The following RUBCNL variants were observed in gnomAD, a reference collection of about 807,000 sequenced individuals.
RUBCNL encodes the protein protein associated with UVRAG as autophagy enhancer.
A neutral mutation model predicts 69.5 loss-of-function variants in RUBCNL; 62 were observed. The ratio of observed to expected loss-of-function variants is 0.89; its 90% CI spans 0.73 to 1.10. The LOEUF (loss-of-function observed/expected upper bound fraction) is 1.10. Ranked by LOEUF, RUBCNL falls within the 50% of genes least tolerant of loss-of-function variation. RUBCNL has a pLI of 0.00. For synonymous variants in RUBCNL, 291 were observed against 303.6 expected (o/e 0.96, Z 0.43); for missense variants, 768 against 798.1 (o/e 0.96, Z 0.45).
At position 46,334,805 on chromosome 13, in the gene RUBCNL, C is replaced by G. The variant is rs540500549; in HGVS notation, c.*8580G>C. Among the ~76,000 whole-genome samples the G allele has an allele frequency of 3.3e-5, 5 of 152,256 alleles. No individual in the cohort carries two copies. Among genetic ancestry groups the G allele is most frequent in the African/African-American group, 1.2e-4 (5 of 41,544 alleles). ...TGTGAGACAGATTGTCAGCATTTTA[C>G]AAATAGGAAACCGGAGTCTTAAGAA... On this transcript the variant is annotated 3_prime_UTR_variant, in exon 15 of 15. Transcript: ENST00000429979.
chr13:46,359,432 C>A (rs2048561693), intron 9 of RUBCNL, 54 bp downstream of exon 9: 8 of 1,488,770 alleles, frequency 5.4e-6, no homozygotes, highest in Non-Finnish European at 9.1e-7. Context: ...CAGGTGGGAT[C>A]TGTCACAATG....
At chr13:46,385,212 G>A in intron 1 of RUBCNL, 1 of 883,884 alleles carries the variant, frequency 1.1e-6, no homozygotes, top group Non-Finnish European at 1.4e-6. Context: ...TATTATTGCA[G>A]AAAGACTTTC....
intron 2 of RUBCNL, among the ~76,000 whole-genome samples, chr13:46,377,260 T>C (rs1324635258): frequency 6.6e-6 from 1 of 152,176 alleles, no homozygotes; most frequent in Non-Finnish European, 1.5e-5. Context: ...CCAGGTGGTT[T>C]TGTTTTTCAT....
In RUBCNL at chr13:46,355,971, C is replaced by T. The variant is rs542328190; in HGVS notation, c.1330+461G>A. On this transcript the variant is annotated intron_variant, in intron 10 of 14. Transcript: ENST00000429979. ...AAAAATAAGGATGGGTAATATAAAG[C>T]GTTCATGGGATTGTCTGTGGCCAGC... Among the ~76,000 whole-genome samples, 13 of 152,040 alleles carry T rather than the reference C, an allele frequency of 8.6e-5. No homozygotes were observed. The South Asian group carries it at 2.3e-3, about 27-fold the overall frequency.
In RUBCNL at chr13:46,339,506, G is replaced by T. The variant is rs1029701997; in HGVS notation, c.*3879C>A. Among the ~76,000 whole-genome samples, 1 of 152,116 alleles carries T rather than the reference G, an allele frequency of 6.6e-6. No homozygotes were observed. The highest frequency in any genetic ancestry group is 6.6e-5 in the Admixed American group (1 of 15,264). ...AACCCCTTCCTGACATGTCTACCAC[G>T]TTCCTTCCAGCAGGTTTGAATTCCG... On this transcript the variant is annotated 3_prime_UTR_variant, in exon 15 of 15. Transcript: ENST00000429979.
chr13:46,387,516 C>T, upstream of RUBCNL: 1 of 985,664 alleles, frequency 1.0e-6, no homozygotes, highest in Non-Finnish European at 1.2e-6. Context: ...TGCCTACCCG[C>T]GGCGCGAGAC....
intron 11 of RUBCNL, 121 bp from the exon 12 acceptor site, chr13:46,349,468 T>G (rs182835682): frequency 1.1e-6 from 1 of 944,376 alleles, no homozygotes; most frequent in African/African-American, 1.6e-5. Flanking sequence ...AAACAAACCT[T>G]GAAAGCAAAC....
chr13:46,337,827 C>T lies in RUBCNL; in HGVS notation c.*5558G>A, dbSNP rs1162698290. On this transcript the variant is annotated 3_prime_UTR_variant, in exon 15 of 15. Transcript: ENST00000429979. ...GCTTGTAAAAAGTCCAATGCAGGCA[C>T]CGCACTCCTGAGTAGTTCTATTTCA... Among the ~76,000 whole-genome samples the T allele has an allele frequency of 6.6e-6, 1 of 152,146 alleles. No homozygotes were observed. Among genetic ancestry groups the T allele is most frequent in the Non-Finnish European group, 1.5e-5 (1 of 68,038 alleles).
At chr13:46,345,692 C>T (rs2048232540) in intron 12 of RUBCNL, 92 bp from the exon 13 acceptor site, 2 of 1,290,652 alleles carry the variant, frequency 1.5e-6, no homozygotes, top group Admixed American at 2.8e-5. Context: ...GGCACTCACA[C>T]TTAATTTTTT....
At chr13:46,383,720 G>A (rs2049172111) in intron 1 of RUBCNL, among the ~76,000 whole-genome samples, 1 of 152,176 alleles carries the variant, frequency 6.6e-6, no homozygotes, top group Non-Finnish European at 1.5e-5. Flanking sequence ...GTCAGTATAT[G>A]AGCCAAACCC....
At chr13:46,358,281 C>G (rs1020263489) in intron 9 of RUBCNL, among the ~76,000 whole-genome samples, 2 of 152,204 alleles carry the variant, frequency 1.3e-5, no homozygotes, top group Non-Finnish European at 2.9e-5. Context: ...TGGGCACAGT[C>G]AACAACCCTC....
intron 1 of RUBCNL, among the ~76,000 whole-genome samples, 175 bp from the exon 2 acceptor site, chr13:46,378,180 C>T (rs902810730): frequency 6.6e-6 from 1 of 152,080 alleles, no homozygotes; most frequent in East Asian, 1.9e-4. Flanking sequence ...ACAGACGGGA[C>T]TAAAATAAGC....
rs764458781 is a variant in RUBCNL, at chr13:46,335,260, GTTTT to G, written c.*8121_*8124del. On this transcript the variant is annotated 3_prime_UTR_variant, in exon 15 of 15. Coordinates refer to ENST00000429979, the MANE Select transcript of RUBCNL (RefSeq NM_025113.5). ...GTGTCTTTTTGTTGTTGTTGTTGTTGTTTTTTTTTTTTTTTTTTTTTTTTTAAGA... is the reference window on the plus strand; with the variant it reads ...GTGTCTTTTTGTTGTTGTTGTTGTTGTTTTTTTTTTTTTTTTTTTTTAAGA... Among the ~76,000 whole-genome samples the G allele has an allele frequency of 9.5e-4, 97 of 101,892 alleles. No homozygotes were observed. The highest frequency in any genetic ancestry group is 3.1e-3 in the Admixed American group (30 of 9,626). 66.8% of individuals were successfully genotyped at this position (101,892 alleles called of 152,430 possible). A position where few individuals can be genotyped will look rare whatever the true frequency, so the allele number is the denominator to read the frequency against.
At chr13:46,352,883 T>C (rs1159545822) in intron 10 of RUBCNL, among the ~76,000 whole-genome samples, 1 of 152,254 alleles carries the variant, frequency 6.6e-6, no homozygotes, top group Non-Finnish European at 1.5e-5. Flanking sequence ...GAGTACTTAC[T>C]CTGTGCCACA....
chr13:46,349,386 A>G lies in RUBCNL; in HGVS notation c.1570-39T>C, dbSNP rs908731222. ...CCAAACACGGGGAAAAGTTAAATGT[A>G]ATAAATGACACGGGAAAAGTGCAAG... On this transcript the variant is annotated intron_variant, in intron 11 of 14. Coordinates refer to ENST00000429979, the MANE Select transcript of RUBCNL (RefSeq NM_025113.5). 2.6e-6 allele frequency: 4 copies of G among 1,550,388 alleles called. No homozygotes were observed. The African/African-American group carries it at 5.4e-5, about 21-fold the overall frequency.
chr13:46,378,083 T>C (rs775337925), intron 1 of RUBCNL, 78 bp from the exon 2 acceptor site: 28 of 723,292 alleles, frequency 3.9e-5, no homozygotes, highest in Admixed American at 6.8e-5. Flanking sequence ...TTGTTTGTAG[T>C]GTGTTAGTTA....
At chr13:46,360,225 C>T (rs2048581057) in intron 8 of RUBCNL, among the ~76,000 whole-genome samples, 1 of 152,058 alleles carries the variant, frequency 6.6e-6, no homozygotes, top group Admixed American at 6.6e-5. Context: ...CCTGTCTCTA[C>T]TAAAAGTACA....
intron 1 of RUBCNL, among the ~76,000 whole-genome samples, chr13:46,384,458 T>A (rs1306721748): frequency 6.6e-6 from 1 of 152,182 alleles, no homozygotes. Context: ...TCTATAATTG[T>A]ACTTACTCTA....
rs751944613 is a variant in RUBCNL, at chr13:46,359,584, A to G, written c.1167T>C (p.Asn389=). The G allele has an allele frequency of 6.3e-6, 10 of 1,592,858 alleles. No homozygotes were observed. Among genetic ancestry groups the G allele is most frequent in the Non-Finnish European group, 7.7e-6 (9 of 1,168,648 alleles). ...CVRKDFESSM[N]VVQEIKFKSR... is the part of the protein sequence containing the mutation. ...ACTTAAATTTAATTTCCTGTACTAC[A>G]TTCATACTGGATTCAAAGTCTTTTC... Residue 389 remains asparagine (N), a synonymous_variant, in exon 9 of 15, where the codon AAT becomes AAC. Coordinates refer to ENST00000429979, the MANE Select transcript of RUBCNL (RefSeq NM_025113.5).
Sources: gnomAD v4.1 joint callset for allele counts (sites outside exome capture counted in the v4.1 genomes callset) on GRCh38, gnomAD v4.1.1 for gene constraint, MANE v1.5 for transcripts, NCBI Gene and HGNC (gene_info 2026-07-23, HGNC 2026-07-21) for gene names.